RBPJ: variants seen among roughly 807,000 people sequenced by gnomAD.
The protein encoded by RBPJ is recombination signal binding protein for immunoglobulin kappa J region.
RBPJ carries 9 observed loss-of-function variants against 67.8 expected under a neutral mutation model. That is an observed-to-expected ratio of 0.13 (90% CI 0.08 to 0.23). The LOEUF is 0.23. Ranked by LOEUF, RBPJ falls within the 10% of genes least tolerant of loss-of-function variation. RBPJ has a pLI of 1.00. For synonymous variants in RBPJ, 198 were observed against 203.3 expected (o/e 0.97, Z 0.22); for missense variants, 305 against 595.6 (o/e 0.51, Z 5.08).
intron 1 of RBPJ, among the ~76,000 whole-genome samples, chr4:26,366,689 G>A (rs755903999): frequency 2.0e-5 from 3 of 151,912 alleles, no homozygotes; most frequent in Non-Finnish European, 4.4e-5. Flanking sequence ...CAAAGTGCTG[G>A]GATTACAGGC....
chr4:26,118,661 T>C, the RBPJ span, among the ~76,000 whole-genome samples: 1 of 152,262 alleles, frequency 6.6e-6, no homozygotes, highest in African/African-American at 2.4e-5. Context: ...TGTAACACTA[T>C]GTCTTCTGAC....
chr4:26,284,971 C>G (rs1418919708), intron 1 of RBPJ, among the ~76,000 whole-genome samples: 2 of 152,104 alleles, frequency 1.3e-5, no homozygotes, highest in African/African-American at 4.8e-5. Flanking sequence ...ATTTTCCTGC[C>G]TCAGCCTCCT....
intron 2 of RBPJ, among the ~76,000 whole-genome samples, chr4:26,388,515 G>C (rs569752026): frequency 6.6e-6 from 1 of 152,276 alleles, no homozygotes; most frequent in Admixed American, 6.5e-5. Flanking sequence ...TGTAAAATGG[G>C]TGGTGGGTAG....
intron 1 of RBPJ, among the ~76,000 whole-genome samples, chr4:26,178,659 A>AGACT (rs1716880635): frequency 6.6e-6 from 1 of 150,416 alleles, no homozygotes. Flanking sequence ...GCCTCAGGCC[A>AGACT]GACTGCATGG....
chr4:26,413,638 G>C (rs191936691), intron 3 of RBPJ, among the ~76,000 whole-genome samples: 143 of 152,240 alleles, frequency 9.4e-4, no homozygotes, highest in African/African-American at 3.1e-3. Context: ...TCTGGTTAGG[G>C]TTGAGCAAAA....
intron 1 of RBPJ, among the ~76,000 whole-genome samples, chr4:26,218,857 G>A (rs186865305): frequency 7.0e-4 from 106 of 152,194 alleles, no homozygotes; most frequent in Non-Finnish European, 1.2e-3. Flanking sequence ...GGGCCCTAAC[G>A]AGAAACAGGC....
At chr4:26,265,169 T>A (rs1356135667) in intron 1 of RBPJ, among the ~76,000 whole-genome samples, 1 of 152,190 alleles carries the variant, frequency 6.6e-6, no homozygotes, top group Non-Finnish European at 1.5e-5. Flanking sequence ...GGAACTACAC[T>A]GTGAACAAAG....
chr4:26,414,649 T>C (rs1279754051), intron 3 of RBPJ, among the ~76,000 whole-genome samples: 1 of 152,212 alleles, frequency 6.6e-6, no homozygotes, highest in East Asian at 1.9e-4. Context: ...ACTGGATTGA[T>C]GGTCTGAACT....
chr4:26,289,809 G>T (rs1326595888), intron 1 of RBPJ, among the ~76,000 whole-genome samples: 1 of 150,648 alleles, frequency 6.6e-6, no homozygotes, highest in African/African-American at 2.4e-5. Context: ...TTAAGGCATA[G>T]AACTTGGAGA....
chr4:26,322,606 C>A (rs1723199728), intron 1 of RBPJ, among the ~76,000 whole-genome samples: 1 of 151,720 alleles, frequency 6.6e-6, no homozygotes, highest in Non-Finnish European at 1.5e-5. Context: ...CTTCTAAGAT[C>A]TTTGTGGAAG....
the RBPJ span, among the ~76,000 whole-genome samples, chr4:26,138,047 G>A: frequency 2.1e-5 from 3 of 140,866 alleles, no homozygotes; most frequent in Admixed American, 2.1e-4. Context: ...GACCATAGAA[G>A]GTCTGGCACT....
the RBPJ span, among the ~76,000 whole-genome samples, chr4:26,138,635 G>C: frequency 3.9e-5 from 6 of 152,340 alleles, no homozygotes; most frequent in African/African-American, 1.4e-4. Flanking sequence ...TCTTTCCAGA[G>C]AGCATGTTTA....
intron 1 of RBPJ, among the ~76,000 whole-genome samples, chr4:26,244,222 TAC>T (rs1199376119): frequency 1.4e-5 from 2 of 142,248 alleles, no homozygotes; most frequent in African/African-American, 2.6e-5. Flanking sequence ...CACATATGTG[TAC>T]ACATATATGT....
At chr4:26,171,039 T>C (rs1448190506) in intron 1 of RBPJ, among the ~76,000 whole-genome samples, 8 of 152,226 alleles carry the variant, frequency 5.3e-5, no homozygotes, top group Non-Finnish European at 8.8e-5. Context: ...ATACGTGATC[T>C]TGTGGCTTGA....
At chr4:26,365,053 T>A (rs1442124440) in intron 1 of RBPJ, among the ~76,000 whole-genome samples, 2 of 151,280 alleles carry the variant, frequency 1.3e-5, no homozygotes, top group African/African-American at 2.4e-5. Context: ...AATTTATATA[T>A]TAGAAAAATA....
chr4:26,244,929 T>G (rs1719876998), intron 1 of RBPJ, among the ~76,000 whole-genome samples: 1 of 152,028 alleles, frequency 6.6e-6, no homozygotes, highest in Non-Finnish European at 1.5e-5. Flanking sequence ...TTTTAATTTC[T>G]AATAAGAATA....
chr4:26,277,800 A>T (rs1208965328), intron 1 of RBPJ, among the ~76,000 whole-genome samples: 1 of 152,224 alleles, frequency 6.6e-6, no homozygotes, highest in Non-Finnish European at 1.5e-5. Context: ...AAAAGTCCAG[A>T]GGAAGAATTT....
At chr4:26,418,095 G>C (rs890709394) in intron 4 of RBPJ, among the ~76,000 whole-genome samples, 3 of 152,050 alleles carry the variant, frequency 2.0e-5, no homozygotes, top group African/African-American at 7.3e-5. Context: ...ATATACTCTT[G>C]GTAACATTTT....
At chr4:26,280,376 A>G (rs887583459) in intron 1 of RBPJ, among the ~76,000 whole-genome samples, 5 of 137,160 alleles carry the variant, frequency 3.6e-5, no homozygotes, top group Non-Finnish European at 6.1e-5. Context: ...AGCCTGGGTG[A>G]CAGAGCAACA....
Sources: allele counts gnomAD v4.1 joint callset (sites outside exome capture counted in the v4.1 genomes callset), GRCh38; gene constraint gnomAD v4.1.1; transcripts MANE v1.5; gene names NCBI Gene and HGNC (gene_info 2026-07-23, HGNC 2026-07-21).